Variants in LEF1 observed in about 807,000 individuals in gnomAD.
LEF1 encodes lymphoid enhancer binding factor 1.
Under a neutral mutation model 51.2 loss-of-function variants are expected in LEF1, and 14 were observed. That is an observed-to-expected ratio of 0.27 (90% CI 0.18 to 0.43). The LOEUF is 0.43. Among genes scored for constraint, LEF1 ranks in the 20% least tolerant of loss-of-function variants. LEF1 has a pLI of 1.00. For synonymous variants in LEF1, 185 were observed against 183.2 expected (o/e 1.01, Z -0.08); for missense variants, 386 against 512.0 (o/e 0.75, Z 2.37).
intron 3 of LEF1, among the ~76,000 whole-genome samples, chr4:108,160,168 G>A (rs890522693): frequency 1.3e-5 from 2 of 152,178 alleles, no homozygotes; most frequent in African/African-American, 4.8e-5. Context: ...TAGGCCAGTG[G>A]GAACTTTCAC....
At chr4:108,065,898 C>T (rs922858943) in intron 9 of LEF1, among the ~76,000 whole-genome samples, 3 of 151,904 alleles carry the variant, frequency 2.0e-5, no homozygotes, top group African/African-American at 7.3e-5. Context: ...GCTCTCATAA[C>T]AATAATAATT....
intron 3 of LEF1, among the ~76,000 whole-genome samples, chr4:108,120,692 T>C (rs1742117934): frequency 6.6e-6 from 1 of 152,172 alleles, no homozygotes; most frequent in African/African-American, 2.4e-5. Flanking sequence ...ATCTGAAAAA[T>C]GTTGGGTTAC....
At chr4:108,050,659 C>T (rs986652239) in intron 11 of LEF1, among the ~76,000 whole-genome samples, 9 of 152,236 alleles carry the variant, frequency 5.9e-5, no homozygotes, top group Admixed American at 5.2e-4. Context: ...AGGTTTTCCT[C>T]TCAGTCTGAC....
intron 3 of LEF1, among the ~76,000 whole-genome samples, chr4:108,091,705 T>C (rs548116279): frequency 4.9e-4 from 75 of 152,252 alleles, no homozygotes; most frequent in South Asian, 2.9e-3. Flanking sequence ...TTTTCGAGTG[T>C]TAATGACACA....
intron 3 of LEF1, among the ~76,000 whole-genome samples, chr4:108,108,983 C>A (rs988191525): frequency 6.6e-6 from 1 of 152,158 alleles, no homozygotes; most frequent in African/African-American, 2.4e-5. Flanking sequence ...ATAGGTCTCT[C>A]CAGTGTCCCC....
chr4:108,141,804 T>C (rs1481400658), intron 3 of LEF1, among the ~76,000 whole-genome samples: 1 of 152,166 alleles, frequency 6.6e-6, no homozygotes, highest in African/African-American at 2.4e-5. Context: ...CACCGATAGC[T>C]GTTTTAAAGT....
chr4:108,124,631 G>A (rs1742402671), intron 3 of LEF1, among the ~76,000 whole-genome samples: 1 of 152,142 alleles, frequency 6.6e-6, no homozygotes, highest in Non-Finnish European at 1.5e-5. Context: ...GCCTCCCAAA[G>A]TGCTGGGATT....
chr4:108,142,662 C>T (rs1259856196), intron 3 of LEF1, among the ~76,000 whole-genome samples: 1 of 152,186 alleles, frequency 6.6e-6, no homozygotes. Context: ...TCTGGTGCTA[C>T]ATATAGTGTT....
chr4:108,057,224 G>A (rs987035596), intron 11 of LEF1, among the ~76,000 whole-genome samples: 20 of 152,080 alleles, frequency 1.3e-4, no homozygotes, highest in Non-Finnish European at 2.8e-4. Context: ...CTTTCTAGTT[G>A]TTGAAGCCTT....
At chr4:108,132,805 A>G (rs1742985955) in intron 3 of LEF1, among the ~76,000 whole-genome samples, 1 of 149,806 alleles carries the variant, frequency 6.7e-6, no homozygotes, top group African/African-American at 2.5e-5. Context: ...AGTAGCTAGA[A>G]CTATAGGCAT....
In LEF1 at chr4:108,167,925, G is replaced by A. The variant is rs1745520806; in HGVS notation, c.-158C>T. 3 of 449,084 alleles carry A rather than the reference G, an allele frequency of 6.7e-6. No individual in the cohort carries two copies. The highest frequency in any genetic ancestry group is 4.1e-5 in the African/African-American group (2 of 49,086). The allele number at this position is 449,084 out of a possible 1,614,324, so 27.8% of individuals were successfully genotyped here. A position where few individuals can be genotyped will look rare whatever the true frequency, so the allele number is the denominator to read the frequency against. On this transcript the variant is annotated 5_prime_UTR_variant, in exon 1 of 12. Coordinates refer to ENST00000265165, the MANE Select transcript of LEF1 (RefSeq NM_016269.5). The surrounding 1 kb of genome is among the most constrained non-coding windows in gnomAD (Gnocchi z 5.7). ...CGGGGCGGGCGAGCGCGGGGCCGCC[G>A]GCCGGCAGCCGGAGCAGCTGCCGCG...
intron 3 of LEF1, among the ~76,000 whole-genome samples, chr4:108,098,473 C>T (rs1419098851): frequency 1.3e-5 from 2 of 151,064 alleles, no homozygotes; most frequent in African/African-American, 4.8e-5. Flanking sequence ...GCGAAGCCAA[C>T]AGACTTAAAT....
rs114156114 is a variant in LEF1 at position 108,153,695 on chromosome 4, T to G, written c.414+9873A>C. On this transcript the variant is annotated intron_variant, in intron 3 of 11. Coordinates refer to ENST00000265165, the MANE Select transcript of LEF1 (RefSeq NM_016269.5). The stretch of plus-strand genomic sequence containing the variant: ...TTCCAAAGAAACAATTCAGAATCTG[T>G]GCAAACTTTTAGTTAGAATATATGC... Among the ~76,000 whole-genome samples the G allele has an allele frequency of 5.4e-3, 823 of 152,354 alleles. 3 individuals are homozygous for G. The highest frequency in any genetic ancestry group is 9.2e-3 in the Non-Finnish European group (625 of 68,028).
intron 3 of LEF1, among the ~76,000 whole-genome samples, chr4:108,138,780 G>A (rs916384811): frequency 6.6e-6 from 1 of 152,212 alleles, no homozygotes; most frequent in African/African-American, 2.4e-5. Context: ...AGAACATCAG[G>A]AATTCAAAGA....
At chr4:108,066,173 A>G (rs956956380) in intron 9 of LEF1, among the ~76,000 whole-genome samples, 1 of 152,112 alleles carries the variant, frequency 6.6e-6, no homozygotes, top group Non-Finnish European at 1.5e-5. Context: ...TTCTTTCAAG[A>G]TTATTAAAGG....
chr4:108,085,994 C>T (rs906260264), intron 4 of LEF1, among the ~76,000 whole-genome samples: 2 of 152,218 alleles, frequency 1.3e-5, no homozygotes, highest in African/African-American at 4.8e-5. Flanking sequence ...ATTGAACAAA[C>T]AAACAAGTGA....
intron 8 of LEF1, 200 bp from the exon 9 acceptor site, chr4:108,070,970 C>T: frequency 2.0e-6 from 1 of 493,596 alleles, no homozygotes. Context: ...TTTGGTTTCT[C>T]TATCCTGTTC....
intron 3 of LEF1, among the ~76,000 whole-genome samples, chr4:108,126,640 TA>T (rs1397190094): frequency 4.6e-5 from 7 of 151,424 alleles, no homozygotes; most frequent in South Asian, 2.1e-4. Flanking sequence ...CCGTCTCTAC[TA>T]AAAAATACAA....
intron 3 of LEF1, among the ~76,000 whole-genome samples, chr4:108,155,583 T>A (rs1332131298): frequency 6.6e-6 from 1 of 152,190 alleles, no homozygotes; most frequent in Non-Finnish European, 1.5e-5. Context: ...GCTGCAGAAA[T>A]CCCACCAGGT....
Sources: allele counts gnomAD v4.1 joint callset (sites outside exome capture counted in the v4.1 genomes callset), GRCh38; gene constraint gnomAD v4.1.1; non-coding constraint Gnocchi (gnomAD v3.1); transcripts MANE v1.5; gene names NCBI Gene and HGNC (gene_info 2026-07-23, HGNC 2026-07-21).